The following DHCR24 variants were observed in gnomAD, a reference collection of about 807,000 sequenced individuals.
DHCR24 encodes the protein 24-dehydrocholesterol reductase.
DHCR24 carries 28 observed loss-of-function variants against 61.2 expected under a neutral mutation model. The observed-to-expected ratio is 0.46, with a 90% CI of 0.34 to 0.63. The LOEUF (loss-of-function observed/expected upper bound fraction) is 0.63. Ranked by LOEUF, DHCR24 falls within the 20% of genes least tolerant of loss-of-function variation. The pLI is 0.01. For synonymous variants in DHCR24, 261 were observed against 275.9 expected (o/e 0.95, Z 0.54); for missense variants, 538 against 679.1 (o/e 0.79, Z 2.31).
chr1:54,858,931 G>C (rs1466004751), intron 6 of DHCR24, among the ~76,000 whole-genome samples: 2 of 152,120 alleles, frequency 1.3e-5, no homozygotes, highest in African/African-American at 2.4e-5. Flanking sequence ...CACTGCGCCC[G>C]GCCTTCTGTA....
chr1:54,870,441 T>C lies in DHCR24; in HGVS notation c.876+909A>G, dbSNP rs75975145. ...AAATACAGTTGTCTCTCAGTATCCA[T>C]GGGGGATTTGTTCCAGGATCCCCCA... On this transcript the variant is annotated intron_variant, in intron 5 of 8. Transcript: ENST00000371269. Among the ~76,000 whole-genome samples the C allele has an allele frequency of 8.2e-3, 1,248 of 152,302 alleles. 17 individuals carry two copies. Among genetic ancestry groups the C allele is most frequent in the African/African-American group, 0.027 (1,143 of 41,580 alleles).
chr1:54,882,627 C>T (rs1647069561), intron 2 of DHCR24, among the ~76,000 whole-genome samples: 1 of 152,224 alleles, frequency 6.6e-6, no homozygotes, highest in Non-Finnish European at 1.5e-5. Flanking sequence ...AGCTGTGATA[C>T]ATCCACACAA....
At chr1:54,865,483 C>G (rs754874577) in intron 5 of DHCR24, 37 bp from the exon 6 acceptor site, 1 of 1,613,086 alleles carries the variant, frequency 6.2e-7, no homozygotes, top group African/African-American at 1.3e-5. Context: ...AGCCTGCAGA[C>G]AAGCGCCCAG....
chr1:54,883,585 T>C lies in DHCR24; in HGVS notation c.387+33A>G. ...CTTGCACCAGGGGCAGTGCCCCACCTGCTCCCAGAGCCCGGAAAAGTGCTA... is the reference window on the plus strand; with the variant it reads ...CTTGCACCAGGGGCAGTGCCCCACCCGCTCCCAGAGCCCGGAAAAGTGCTA... On this transcript the variant is annotated intron_variant, in intron 2 of 8. Coordinates refer to ENST00000371269, the MANE Select transcript of DHCR24 (RefSeq NM_014762.4). The surrounding 1 kb of genome is among the most constrained non-coding windows in gnomAD (Gnocchi z 4.3). The C allele has an allele frequency of 6.2e-7, 1 of 1,613,976 alleles. No individual in the cohort carries two copies. The highest frequency in any genetic ancestry group is 8.5e-7 in the Non-Finnish European group (1 of 1,179,898).
At chr1:54,869,043 GGTGACAGA>G (rs1570192039) in intron 5 of DHCR24, among the ~76,000 whole-genome samples, 1 of 152,152 alleles carries the variant, frequency 6.6e-6, no homozygotes, top group African/African-American at 2.4e-5. Context: ...CTCCAGTCTG[GGTGACAGA>G]GTGAGACCTT....
Position 54,887,080 on chromosome 1 carries a change from A to G in DHCR24, c.40T>C (p.Phe14Leu), listed in dbSNP as rs1433823727. ...CCCTTCAGGCGCACCCACAGCAGGA[A>G]GAGCAGCGCGCACACGGCCAGCGAC... ...AVSLAVCALLFLLWVRLKGLE... is the reference protein window; with the variant it reads ...AVSLAVCALLLLLWVRLKGLE... Residue 14 changes from phenylalanine (F) to leucine (L), a missense_variant, in exon 1 of 9, where the codon TTC becomes CTC. Transcript: ENST00000371269. 1.2e-6 allele frequency: 2 copies of G among 1,607,184 alleles called. No individual in the cohort carries two copies. The highest frequency in any genetic ancestry group is 2.7e-5 in the African/African-American group (2 of 75,010).
At chr1:54,863,481 T>G (rs1285244935) in intron 6 of DHCR24, among the ~76,000 whole-genome samples, 2 of 152,182 alleles carry the variant, frequency 1.3e-5, no homozygotes, top group Non-Finnish European at 2.9e-5. Context: ...GCATGCTGGC[T>G]CCGAAGGCTT....
intron 2 of DHCR24, among the ~76,000 whole-genome samples, chr1:54,878,699 C>A (rs1437855999): frequency 6.6e-6 from 1 of 151,940 alleles, no homozygotes. Flanking sequence ...ACTTCCCTGG[C>A]CCCATCTAAA....
chr1:54,853,392 G>A lies in DHCR24; in HGVS notation c.1397+42C>T, dbSNP rs377528891. ...CATTCCCCTGGAGCAGTACCCTGGG[G>A]CTGTCAGCTAGAGGCAACATACTAT... On this transcript the variant is annotated intron_variant, in intron 8 of 8. Coordinates refer to ENST00000371269, the MANE Select transcript of DHCR24 (RefSeq NM_014762.4). 1.6e-5 allele frequency: 25 copies of A among 1,612,548 alleles called. No individual in the cohort carries two copies. The African/African-American group carries it at 3.2e-4, about 21-fold the overall frequency.
chr1:54,855,351 G>A (rs1436487427), intron 6 of DHCR24, among the ~76,000 whole-genome samples: 41 of 149,756 alleles, frequency 2.7e-4, no homozygotes, highest in Middle Eastern at 3.4e-3. Flanking sequence ...CCGAGATTGT[G>A]CCACTGCACT....
At position 54,887,033 on chromosome 1, in the gene DHCR24, G is replaced by A. The variant is rs1476423997; in HGVS notation, c.87C>T (p.His29=). The change falls in exon 1 of 9, where the codon CAC becomes CAT. Residue 29 remains histidine, a synonymous_variant. Transcript: ENST00000371269. The part of the protein sequence containing the change: ...RLKGLEFVLI[H]QRWVFVCLFL... ...AGAGGCACACGAACACCCAGCGCTG[G>A]TGGATGAGCACGAACTCCAGCCCCT... is the stretch of plus-strand genomic sequence containing the variant. 2 of 1,613,076 alleles carry A rather than the reference G, an allele frequency of 1.2e-6. No individual in the cohort carries two copies. Among genetic ancestry groups the A allele is most frequent in the African/African-American group, 2.7e-5 (2 of 74,920 alleles).
intron 4 of DHCR24, among the ~76,000 whole-genome samples, chr1:54,872,259 AAC>A (rs1441620242): frequency 1.3e-5 from 2 of 152,172 alleles, no homozygotes; most frequent in Non-Finnish European, 2.9e-5. Context: ...TTTTTCCTAC[AAC>A]ACCTCATCTG....
chr1:54,851,895 A>G lies in DHCR24; in HGVS notation c.*338T>C, dbSNP rs112519947. 19 of 365,578 alleles carry G rather than the reference A, an allele frequency of 5.2e-5. No individual in the cohort carries two copies. Among genetic ancestry groups the G allele is most frequent in the African/African-American group, 3.7e-4 (18 of 48,136 alleles). 22.6% of individuals were successfully genotyped at this position (365,578 alleles called of 1,614,324 possible). A position where few individuals can be genotyped will look rare whatever the true frequency, so the allele number is the denominator to read the frequency against. ...GCACCTTCAATGTGACCAGTGCTCA[A>G]CTCAGATGACAACAACCTGCAAGTA... On this transcript the variant is annotated 3_prime_UTR_variant, in exon 9 of 9. Coordinates refer to ENST00000371269, the MANE Select transcript of DHCR24 (RefSeq NM_014762.4).
chr1:54,881,418 T>G (rs1389550428), intron 2 of DHCR24, among the ~76,000 whole-genome samples: 1 of 152,084 alleles, frequency 6.6e-6, no homozygotes, highest in Non-Finnish European at 1.5e-5. Flanking sequence ...ATTAAAGAAA[T>G]GCAAATCAAA....
At chr1:54,860,753 G>A (rs4927170) in intron 6 of DHCR24, among the ~76,000 whole-genome samples, 128,412 of 151,870 alleles carry the variant, frequency 0.85, 55,469 homozygotes, top group Middle Eastern at 0.95. Flanking sequence ...TGGGAGGCCG[G>A]GGCGGGCGGA....
rs879011604 is a variant in DHCR24, at chr1:54,886,810, C to T, written c.231+79G>A. On this transcript the variant is annotated intron_variant, in intron 1 of 8. Coordinates refer to ENST00000371269, the MANE Select transcript of DHCR24 (RefSeq NM_014762.4). ...CCTGGCCGCCCCCGCACCGCAGCTC[C>T]CGTCGCCACCTCGCGTCCCGCTATC... is the stretch of plus-strand genomic sequence containing the variant. 13 of 1,562,932 alleles carry T rather than the reference C, an allele frequency of 8.3e-6. No homozygotes were observed. In the East Asian group the frequency reaches 1.4e-4, roughly 17 times the overall value.
intron 6 of DHCR24, among the ~76,000 whole-genome samples, chr1:54,861,363 A>G (rs1177573057): frequency 2.0e-5 from 3 of 152,128 alleles, no homozygotes; most frequent in East Asian, 1.9e-4. Flanking sequence ...GCCTTTTAGG[A>G]AAGTTTGCTG....
At position 54,875,892 on chromosome 1, in the gene DHCR24, C is replaced by T. The variant is rs540109570; in HGVS notation, c.493+50G>A. ...GAGGGTGGCCAAGGCCCATCAGCTC[C>T]GGTCCTAGGACCGTGTGTCTCTTCT... On this transcript the variant is annotated intron_variant, in intron 3 of 8. Transcript: ENST00000371269. 27 of 1,501,694 alleles carry T rather than the reference C, an allele frequency of 1.8e-5. No homozygotes were observed. In the East Asian group the frequency reaches 4.5e-4, roughly 25 times the overall value. 93.0% of individuals were successfully genotyped at this position (1,501,694 alleles called of 1,614,324 possible). A position where few individuals can be genotyped will look rare whatever the true frequency, so the allele number is the denominator to read the frequency against.
At chr1:54,874,606 C>T (rs1314136661) in intron 4 of DHCR24, among the ~76,000 whole-genome samples, 1 of 152,156 alleles carries the variant, frequency 6.6e-6, no homozygotes, top group Non-Finnish European at 1.5e-5. Context: ...TAACATATCC[C>T]TACTGTTCTG....
Sources: gnomAD v4.1 joint callset for allele counts (sites outside exome capture counted in the v4.1 genomes callset) on GRCh38, gnomAD v4.1.1 for gene constraint, Gnocchi (gnomAD v3.1) non-coding constraint, MANE v1.5 for transcripts, NCBI Gene and HGNC (gene_info 2026-07-23, HGNC 2026-07-21) for gene names.